ST7: variants seen among roughly 807,000 people sequenced by gnomAD.
The protein encoded by ST7 is suppression of tumorigenicity 7, also known as suppressor of tumorigenicity 7 protein.
A neutral mutation model predicts 78.7 loss-of-function variants in ST7; 28 were observed. The observed-to-expected ratio is 0.36, with a 90% CI of 0.26 to 0.49. The LOEUF (loss-of-function observed/expected upper bound fraction) is 0.49. ST7 is among the 20% of genes least tolerant of loss of function. The pLI is 0.99. For synonymous variants in ST7, 247 were observed against 249.6 expected (o/e 0.99, Z 0.10); for missense variants, 418 against 696.0 (o/e 0.60, Z 4.49).
At chr7:117,167,105 T>C (rs868443253) in intron 9 of ST7, among the ~76,000 whole-genome samples, 1 of 151,578 alleles carries the variant, frequency 6.6e-6, no homozygotes, top group Non-Finnish European at 1.5e-5. Flanking sequence ...AGTTTTAGGG[T>C]ACATGTGCAC....
At chr7:117,113,764 A>T (rs1327321567) in intron 2 of ST7, among the ~76,000 whole-genome samples, 1 of 152,212 alleles carries the variant, frequency 6.6e-6, no homozygotes, top group African/African-American at 2.4e-5. Context: ...CTTGTTTAAA[A>T]TGATAGATTC....
rs200772223 is a variant in ST7, at chr7:117,229,894, G to T, written c.*37G>T. 1 of 1,546,276 alleles carries T rather than the reference G, an allele frequency of 6.5e-7. No homozygotes were observed. The highest frequency in any genetic ancestry group is 1.1e-5 in the South Asian group (1 of 89,734). On this transcript the variant is annotated 3_prime_UTR_variant, in exon 16 of 16. Transcript: ENST00000323984. ...TCCTCCACTCACCTCACCCGCCGCT[G>T]CCACCATCTCCTCTGTGCCAACTCC...
At position 117,136,247 on chromosome 7, in the gene ST7, T is replaced by C. The variant is rs770925344; in HGVS notation, c.865+12T>C. ...TGAAGCCCAACATAGTAAGGTTTCCTGCAGGTTGATGCATTGGGGGATCAG... is the reference window on the plus strand; with the variant it reads ...TGAAGCCCAACATAGTAAGGTTTCCCGCAGGTTGATGCATTGGGGGATCAG... On this transcript the variant is annotated intron_variant, in intron 8 of 15. Coordinates refer to ENST00000323984, the MANE Select transcript of ST7 (RefSeq NM_001369598.1). 1.2e-6 allele frequency: 2 copies of C among 1,613,612 alleles called. No homozygotes were observed. Among genetic ancestry groups the C allele is most frequent in the Non-Finnish European group, 1.7e-6 (2 of 1,179,660 alleles).
chr7:116,995,425 G>T (rs549564719), intron 1 of ST7, among the ~76,000 whole-genome samples: 1 of 152,168 alleles, frequency 6.6e-6, no homozygotes, highest in South Asian at 2.1e-4. Context: ...CATCACCAGT[G>T]TGAAATACCA....
intron 9 of ST7, among the ~76,000 whole-genome samples, chr7:117,154,920 G>A (rs940619690): frequency 2.6e-5 from 4 of 152,006 alleles, no homozygotes; most frequent in African/African-American, 4.8e-5. Flanking sequence ...GAAGGGGAGG[G>A]AGTGTAAGAA....
At chr7:117,091,807 T>G (rs965566510) in intron 1 of ST7, among the ~76,000 whole-genome samples, 1 of 152,194 alleles carries the variant, frequency 6.6e-6, no homozygotes, top group African/African-American at 2.4e-5. Flanking sequence ...AGTCCAGGCA[T>G]GGCTTAGATG....
At chr7:116,987,937 G>C (rs1174080260) in intron 1 of ST7, among the ~76,000 whole-genome samples, 1 of 152,210 alleles carries the variant, frequency 6.6e-6, no homozygotes, top group African/African-American at 2.4e-5. Flanking sequence ...ATGTTGGCCA[G>C]GCTGATCTCG....
intron 9 of ST7, among the ~76,000 whole-genome samples, chr7:117,165,131 T>G (rs191226721): frequency 6.4e-4 from 98 of 152,344 alleles, no homozygotes; most frequent in Non-Finnish European, 1.1e-3. Flanking sequence ...AAGGCTAGAA[T>G]TTAATCCTGC....
chr7:117,045,753 C>T (rs184086759), intron 1 of ST7, among the ~76,000 whole-genome samples: 54 of 152,308 alleles, frequency 3.5e-4, no homozygotes, highest in African/African-American at 1.1e-3. Flanking sequence ...AGACCTGGCA[C>T]GTTGTTGCTG....
Position 116,961,785 on chromosome 7 carries a change from A to G in ST7, c.151+8094A>G, listed in dbSNP as rs549437781. Among the ~76,000 whole-genome samples the G allele has an allele frequency of 3.4e-5, 5 of 147,842 alleles. No individual in the cohort carries two copies. The East Asian group carries it at 9.9e-4, about 29-fold the overall frequency. On this transcript the variant is annotated intron_variant, in intron 1 of 15. Coordinates refer to ENST00000323984, the MANE Select transcript of ST7 (RefSeq NM_001369598.1). ...TTCTTTCTTTTTTTTTTTTAATTTTACTTTAAGTTCTGGGATACAAGTGCA... is the reference window on the plus strand; with the variant it reads ...TTCTTTCTTTTTTTTTTTTAATTTTGCTTTAAGTTCTGGGATACAAGTGCA...
At chr7:117,026,253 A>C (rs887252735) in intron 1 of ST7, among the ~76,000 whole-genome samples, 1 of 152,222 alleles carries the variant, frequency 6.6e-6, no homozygotes, top group African/African-American at 2.4e-5. Context: ...TTTATGTTCA[A>C]ATACTGTTAA....
At chr7:117,208,383 G>A (rs781522691) in intron 12 of ST7, among the ~76,000 whole-genome samples, 2 of 152,052 alleles carry the variant, frequency 1.3e-5, no homozygotes, top group Admixed American at 6.6e-5. Context: ...CAAGTGTGAC[G>A]ACCGTTATCA....
intron 1 of ST7, among the ~76,000 whole-genome samples, chr7:117,053,266 C>G (rs75215156): frequency 0.011 from 1,671 of 152,278 alleles, 17 homozygotes; most frequent in Non-Finnish European, 0.017. Context: ...GAATAATGAT[C>G]AGGGCATCAG....
In ST7 at chr7:116,953,700, T is replaced by C. The variant is rs1485007446; in HGVS notation, c.151+9T>C. 3 of 1,444,518 alleles carry C rather than the reference T, an allele frequency of 2.1e-6. No individual in the cohort carries two copies. The highest frequency in any genetic ancestry group is 3.1e-5 in the East Asian group (1 of 32,658). 89.5% of individuals were successfully genotyped at this position (1,444,518 alleles called of 1,614,324 possible). On this transcript the variant is annotated intron_variant, in intron 1 of 15. Transcript: ENST00000323984. ...CGACAACTTGAGCACAGGTAAGGCCTGGGAGCCGGGCCCGCGGCGCCCACC... is the reference window on the plus strand; with the variant it reads ...CGACAACTTGAGCACAGGTAAGGCCCGGGAGCCGGGCCCGCGGCGCCCACC...
chr7:117,075,153 A>G (rs1799250642), intron 1 of ST7, among the ~76,000 whole-genome samples: 1 of 152,120 alleles, frequency 6.6e-6, no homozygotes, highest in Non-Finnish European at 1.5e-5. Context: ...GAAAATAATT[A>G]CTCTAAAACA....
intron 13 of ST7, among the ~76,000 whole-genome samples, chr7:117,217,722 T>C (rs1159158228): frequency 1.3e-5 from 2 of 152,212 alleles, no homozygotes; most frequent in Admixed American, 6.5e-5. Context: ...AATCTCTGTT[T>C]AAGAGGTTTC....
At chr7:117,064,801 A>G (rs1798543720) in intron 1 of ST7, among the ~76,000 whole-genome samples, 1 of 152,190 alleles carries the variant, frequency 6.6e-6, no homozygotes, top group Non-Finnish European at 1.5e-5. Flanking sequence ...TTCACCTGCA[A>G]AAATTTTAAG....
chr7:117,004,585 C>T (rs1425070480), intron 1 of ST7, among the ~76,000 whole-genome samples: 2 of 151,958 alleles, frequency 1.3e-5, no homozygotes, highest in East Asian at 1.9e-4. Flanking sequence ...TGCTTGATCC[C>T]GGGAGGCGGA....
chr7:117,178,280 C>G (rs376122596), intron 10 of ST7, among the ~76,000 whole-genome samples: 1 of 152,086 alleles, frequency 6.6e-6, no homozygotes, highest in African/African-American at 2.4e-5. Flanking sequence ...TAAATATAAC[C>G]TATTCTCTGT....
Sources: allele counts gnomAD v4.1 joint callset (sites outside exome capture counted in the v4.1 genomes callset), GRCh38; gene constraint gnomAD v4.1.1; transcripts MANE v1.5; gene names NCBI Gene and HGNC (gene_info 2026-07-23, HGNC 2026-07-21).